VIT: variants seen among roughly 807,000 people sequenced by gnomAD.
VIT encodes the protein vitrin.
Under a neutral mutation model 78.0 loss-of-function variants are expected in VIT, and 99 were observed. The ratio of observed to expected loss-of-function variants is 1.27; its 90% CI spans 1.08 to 1.50. The LOEUF (loss-of-function observed/expected upper bound fraction) is 1.50, where lower values mean the gene tolerates loss of function less well. Ranked by LOEUF, VIT falls within the 40% of genes most tolerant of loss-of-function variation. The pLI is 0.00. For synonymous variants in VIT, 374 were observed against 334.3 expected (o/e 1.12, Z -1.29); for missense variants, 1,126 against 875.3 (o/e 1.29, Z -3.61).
At chr2:36,793,208 G>T (rs1389048184) in intron 12 of VIT, among the ~76,000 whole-genome samples, 1 of 152,266 alleles carries the variant, frequency 6.6e-6, no homozygotes, top group African/African-American at 2.4e-5. Flanking sequence ...CATATTGCAC[G>T]TGATTCACAT....
At chr2:36,787,860 T>A (rs1665214617) in intron 12 of VIT, 1 of 455,520 alleles carries the variant, frequency 2.2e-6, no homozygotes, top group Non-Finnish European at 4.4e-6. Flanking sequence ...ACGGCCCCCA[T>A]CAGTCAGCTG....
At chr2:36,784,120 G>T (rs1472761619) in intron 11 of VIT, among the ~76,000 whole-genome samples, 1 of 152,178 alleles carries the variant, frequency 6.6e-6, no homozygotes, top group Non-Finnish European at 1.5e-5. Flanking sequence ...AGGTGGAGGA[G>T]AAACCACCTG....
chr2:36,716,751 C>T (rs1471368548), intron 2 of VIT, among the ~76,000 whole-genome samples: 1 of 151,904 alleles, frequency 6.6e-6, no homozygotes, highest in African/African-American at 2.4e-5. Context: ...AGCATATTTG[C>T]AGATTGTAAA....
At chr2:36,741,845 T>C (rs1488952882) in intron 3 of VIT, among the ~76,000 whole-genome samples, 1 of 152,208 alleles carries the variant, frequency 6.6e-6, no homozygotes, top group Non-Finnish European at 1.5e-5. Context: ...ACAATTTCAG[T>C]TCCTAGAAAG....
At chr2:36,810,845 G>A (rs1362763500) in intron 15 of VIT, among the ~76,000 whole-genome samples, 1 of 152,090 alleles carries the variant, frequency 6.6e-6, no homozygotes, top group Non-Finnish European at 1.5e-5. Context: ...CATTGGCCAG[G>A]CTTTTCTTGA....
intron 1 of VIT, among the ~76,000 whole-genome samples, chr2:36,701,250 T>C (rs1665039338): frequency 6.6e-6 from 1 of 151,906 alleles, no homozygotes; most frequent in South Asian, 2.1e-4. Context: ...CCTTTTTGGG[T>C]GGATGGGGAA....
chr2:36,697,631 T>A (rs1201992108), intron 1 of VIT, among the ~76,000 whole-genome samples: 1 of 152,242 alleles, frequency 6.6e-6, no homozygotes, highest in Non-Finnish European at 1.5e-5. Context: ...ATATGAAATC[T>A]CTTTTAAGTA....
At chr2:36,796,619 G>T (rs1273885143) in intron 12 of VIT, among the ~76,000 whole-genome samples, 1 of 151,824 alleles carries the variant, frequency 6.6e-6, no homozygotes, top group South Asian at 2.1e-4. Flanking sequence ...CTTTTTTTCT[G>T]TAAAAACTTT....
At chr2:36,712,145 T>C in intron 1 of VIT, among the ~76,000 whole-genome samples, 1 of 124,960 alleles carries the variant, frequency 8.0e-6, no homozygotes, top group East Asian at 3.6e-4. Flanking sequence ...TGAGAGAGGG[T>C]TTGATTTTTT....
intron 15 of VIT, among the ~76,000 whole-genome samples, chr2:36,813,922 C>G (rs1667375738): frequency 6.6e-6 from 1 of 152,154 alleles, no homozygotes; most frequent in South Asian, 2.1e-4. Flanking sequence ...CTATAAACTC[C>G]TGAGATAACA....
chr2:36,715,961 AT>A (rs774012128), intron 1 of VIT, among the ~76,000 whole-genome samples: 5 of 152,224 alleles, frequency 3.3e-5, no homozygotes, highest in Non-Finnish European at 2.9e-5. Flanking sequence ...TTTAATAAAT[AT>A]TTATCGAATG....
At chr2:36,718,854 G>A (rs992374725) in intron 2 of VIT, among the ~76,000 whole-genome samples, 5 of 152,174 alleles carry the variant, frequency 3.3e-5, no homozygotes, top group Non-Finnish European at 5.9e-5. Flanking sequence ...AGCACACTGG[G>A]GAACTACAAC....
chr2:36,714,088 A>C (rs534206086), intron 1 of VIT, among the ~76,000 whole-genome samples: 164 of 152,364 alleles, frequency 1.1e-3, no homozygotes, highest in African/African-American at 3.8e-3. Flanking sequence ...GAAATTTAAC[A>C]CATTGCAAGT....
Position 36,729,457 on chromosome 2 carries a change from A to G in VIT, c.84A>G (p.Lys28=), listed in dbSNP as rs771025065. The G allele has an allele frequency of 8.1e-6, 13 of 1,609,542 alleles. No individual in the cohort carries two copies. The highest frequency in any genetic ancestry group is 1.1e-5 in the South Asian group (1 of 89,328). ...TGGTGACTGGAGTACATTCAAACAA[A>G]GAAACGGCAAAGAAGATTAAAAGGC... is the stretch of plus-strand genomic sequence containing the variant. ...VLLVTGVHSN[K]ETAKKIKRPK... Residue 28 remains lysine, a synonymous_variant, in exon 3 of 16, where the codon AAA becomes AAG. Transcript: ENST00000379242.
At chr2:36,714,979 A>G (rs1666033959) in intron 1 of VIT, among the ~76,000 whole-genome samples, 1 of 152,030 alleles carries the variant, frequency 6.6e-6, no homozygotes, top group Admixed American at 6.6e-5. Flanking sequence ...TATCTATTGC[A>G]CTCTCCAACA....
intron 1 of VIT, among the ~76,000 whole-genome samples, chr2:36,699,946 A>G (rs72871862): frequency 0.035 from 5,282 of 152,242 alleles, 148 homozygotes; most frequent in African/African-American, 0.073. Context: ...CTCATCTATA[A>G]AATGGGTCTA....
At chr2:36,780,921 T>G (rs1298266404) in intron 9 of VIT, among the ~76,000 whole-genome samples, 1 of 152,062 alleles carries the variant, frequency 6.6e-6, no homozygotes, top group East Asian at 1.9e-4. Flanking sequence ...CCTGACACAT[T>G]TGTGCTGTCC....
Position 36,809,990 on chromosome 2 carries a change from C to CAAAA in VIT, c.1903+1020_1903+1023dup, listed in dbSNP as rs36123287. 6.0e-5 allele frequency among the ~76,000 whole-genome samples: 6 copies of CAAAA among 100,744 alleles called. 1 individual carries two copies. Among genetic ancestry groups the CAAAA allele is most frequent in the African/African-American group, 2.0e-4 (4 of 20,154 alleles). 66.1% of individuals were successfully genotyped at this position (100,744 alleles called of 152,430 possible). On this transcript the variant is annotated intron_variant, in intron 15 of 15. Transcript: ENST00000379242. The stretch of plus-strand genomic sequence containing the variant: ...TGGGCAACAGAGCAAGATCCTGTCT[C>CAAAA]AAAAAAAAAAAAAAAAAAGGGCCAG...
chr2:36,780,861 G>C (rs1664701925), intron 9 of VIT, among the ~76,000 whole-genome samples: 1 of 152,024 alleles, frequency 6.6e-6, no homozygotes, highest in African/African-American at 2.4e-5. Flanking sequence ...AGGAAAGGAG[G>C]GAGAGGGGCA....
Sources: allele counts gnomAD v4.1 joint callset (sites outside exome capture counted in the v4.1 genomes callset), GRCh38; gene constraint gnomAD v4.1.1; transcripts MANE v1.5; gene names NCBI Gene and HGNC (gene_info 2026-07-23, HGNC 2026-07-21).